Variants in PRKG1 observed in about 807,000 individuals in gnomAD.
The protein encoded by PRKG1 is protein kinase cGMP-dependent 1, also known as cGMP-dependent protein kinase 1.
Under a neutral mutation model 88.1 loss-of-function variants are expected in PRKG1, and 35 were observed. The observed-to-expected ratio is 0.40, with a 90% CI of 0.30 to 0.53. PRKG1 has a LOEUF of 0.53. Ranked by LOEUF, PRKG1 falls within the 20% of genes least tolerant of loss-of-function variation. The probability of loss-of-function intolerance (pLI) is 0.59; values close to 1 mark genes in which losing one functional copy is unlikely to be tolerated. For missense variants in PRKG1, 540 were observed against 839.8 expected, an observed-to-expected ratio of 0.64 and a Z score of 4.41; for synonymous variants, 303 against 292.5, an observed-to-expected ratio of 1.04 and a Z score of -0.37.
chr10:51,153,992 G>A (rs977068999), intron 2 of PRKG1, among the ~76,000 whole-genome samples: 8 of 151,952 alleles, frequency 5.3e-5, no homozygotes, highest in African/African-American at 1.9e-4. Context: ...TCTTTTGTGG[G>A]AAGAAAGTAG....
chr10:51,105,679 G>A (rs1844815504), intron 1 of PRKG1, among the ~76,000 whole-genome samples: 1 of 151,736 alleles, frequency 6.6e-6, no homozygotes, highest in Non-Finnish European at 1.5e-5. Context: ...GGGACACATA[G>A]ACATTAAAAT....
At chr10:52,256,905 G>C (rs1841321804) in intron 10 of PRKG1, among the ~76,000 whole-genome samples, 1 of 138,972 alleles carries the variant, frequency 7.2e-6, no homozygotes, top group African/African-American at 2.5e-5. Context: ...TGCTGAACCT[G>C]TGTGCCCCTG....
chr10:51,771,001 G>C (rs1937675), intron 3 of PRKG1, among the ~76,000 whole-genome samples: 1 of 152,106 alleles, frequency 6.6e-6, no homozygotes, highest in African/African-American at 2.4e-5. Context: ...TACACCCCTA[G>C]GCTTTATGGA....
intron 2 of PRKG1, among the ~76,000 whole-genome samples, chr10:51,438,812 G>A (rs1839010333): frequency 6.6e-6 from 1 of 151,928 alleles, no homozygotes; most frequent in East Asian, 1.9e-4. Flanking sequence ...GAATTCTAAA[G>A]GCCTACATTG....
chr10:51,947,989 T>G (rs7092969), intron 5 of PRKG1, among the ~76,000 whole-genome samples: 1 of 152,084 alleles, frequency 6.6e-6, no homozygotes, highest in African/African-American at 2.4e-5. Context: ...TTCTTAAAGG[T>G]CTTCTACATT....
At chr10:51,639,297 G>C (rs1839734355) in intron 3 of PRKG1, among the ~76,000 whole-genome samples, 2 of 151,732 alleles carry the variant, frequency 1.3e-5, no homozygotes, top group South Asian at 4.2e-4. Context: ...AGCCAGCTGA[G>C]GTGGCGGGCG....
chr10:51,535,587 A>G (rs1218943869), intron 3 of PRKG1, among the ~76,000 whole-genome samples: 1 of 152,218 alleles, frequency 6.6e-6, no homozygotes, highest in Non-Finnish European at 1.5e-5. Context: ...CTTGGCTATC[A>G]GCAATTAGTT....
At chr10:51,283,325 T>C (rs934870737) in intron 2 of PRKG1, among the ~76,000 whole-genome samples, 1 of 152,098 alleles carries the variant, frequency 6.6e-6, no homozygotes, top group Non-Finnish European at 1.5e-5. Flanking sequence ...GAAATGTTTT[T>C]CCCAATAAGG....
At chr10:51,784,566 A>C (rs1216910534) in intron 3 of PRKG1, among the ~76,000 whole-genome samples, 1 of 152,152 alleles carries the variant, frequency 6.6e-6, no homozygotes, top group Non-Finnish European at 1.5e-5. Flanking sequence ...AATCAGTTCC[A>C]GTGTGTTTTA....
chr10:51,174,863 C>G (rs572466264), intron 2 of PRKG1, among the ~76,000 whole-genome samples: 1 of 151,996 alleles, frequency 6.6e-6, no homozygotes, highest in Non-Finnish European at 1.5e-5. Context: ...GAAGTTGCAA[C>G]TGACTCAGAA....
chr10:51,506,237 A>C (rs1210428240), intron 3 of PRKG1, among the ~76,000 whole-genome samples: 1 of 152,198 alleles, frequency 6.6e-6, no homozygotes, highest in African/African-American at 2.4e-5. Context: ...TTCAGGACAT[A>C]GGCATGGGCA....
At chr10:51,156,756 A>AT in intron 2 of PRKG1, among the ~76,000 whole-genome samples, 1 of 152,068 alleles carries the variant, frequency 6.6e-6, no homozygotes, top group Non-Finnish European at 1.5e-5. Flanking sequence ...AATTTTAAAA[A>AT]GTTTTAATTG....
chr10:51,559,060 T>G (rs1742577128), intron 3 of PRKG1, among the ~76,000 whole-genome samples: 1 of 152,084 alleles, frequency 6.6e-6, no homozygotes, highest in Non-Finnish European at 1.5e-5. Context: ...CTTTTATTAT[T>G]AGTTGTTAAC....
rs1170682340 is a variant in PRKG1 at position 51,856,223 on chromosome 10, C to T, written c.699-51284C>T. Among the ~76,000 whole-genome samples, 4 of 152,320 alleles carry T rather than the reference C, an allele frequency of 2.6e-5. No individual in the cohort carries two copies. The East Asian group carries it at 7.7e-4, about 29-fold the overall frequency. On this transcript the variant is annotated intron_variant, in intron 4 of 17. Transcript: ENST00000373980. ...ATCCCCCTATCTCAAAAGTCTTAATCACATCCACAAAGTCCCTTTGTTCCA... is the reference window on the plus strand; with the variant it reads ...ATCCCCCTATCTCAAAAGTCTTAATTACATCCACAAAGTCCCTTTGTTCCA...
chr10:51,417,802 A>C (rs778830810), intron 2 of PRKG1, among the ~76,000 whole-genome samples: 1 of 152,170 alleles, frequency 6.6e-6, no homozygotes, highest in Admixed American at 6.6e-5. Context: ...GAAAAAATAG[A>C]GCTGCACTGG....
intron 3 of PRKG1, among the ~76,000 whole-genome samples, chr10:51,520,983 T>A (rs1478312129): frequency 1.3e-5 from 2 of 152,226 alleles, no homozygotes; most frequent in Non-Finnish European, 2.9e-5. Flanking sequence ...CGCACTTGGT[T>A]TGCTGATTAT....
At chr10:52,059,146 A>G (rs1242534426) in intron 6 of PRKG1, among the ~76,000 whole-genome samples, 1 of 151,980 alleles carries the variant, frequency 6.6e-6, no homozygotes, top group Non-Finnish European at 1.5e-5. Context: ...GGCTAACTCT[A>G]AAAACAAAAA....
intron 3 of PRKG1, among the ~76,000 whole-genome samples, chr10:51,749,489 C>T (rs1837664551): frequency 6.6e-6 from 1 of 152,066 alleles, no homozygotes. Flanking sequence ...TCTTATAAGG[C>T]CATGAAACCT....
At chr10:51,211,180 TA>T (rs1225383857) in intron 2 of PRKG1, among the ~76,000 whole-genome samples, 29 of 152,122 alleles carry the variant, frequency 1.9e-4, no homozygotes, top group African/African-American at 6.8e-4. Flanking sequence ...TCGATAAACG[TA>T]ATCCAGCATA....
Sources: allele counts gnomAD v4.1 joint callset (sites outside exome capture counted in the v4.1 genomes callset), GRCh38; gene constraint gnomAD v4.1.1; transcripts MANE v1.5; gene names NCBI Gene and HGNC (gene_info 2026-07-23, HGNC 2026-07-21).